The following NCEH1 variants were observed in gnomAD, a reference collection of about 807,000 sequenced individuals.
The protein encoded by NCEH1 is neutral cholesterol ester hydrolase 1.
Under a neutral mutation model 25.4 loss-of-function variants are expected in NCEH1, and 9 were observed. The ratio of observed to expected loss-of-function variants is 0.35; its 90% CI spans 0.21 to 0.62. NCEH1 has a LOEUF of 0.62. Among genes scored for constraint, NCEH1 ranks in the 20% least tolerant of loss-of-function variants. NCEH1 has a pLI of 0.72. For synonymous variants in NCEH1, 200 were observed against 199.8 expected (o/e 1.00, Z -0.01); for missense variants, 412 against 501.1 (o/e 0.82, Z 1.70).
intron 1 of NCEH1, among the ~76,000 whole-genome samples, chr3:172,680,392 C>CT (rs1416091218): frequency 6.6e-6 from 1 of 152,140 alleles, no homozygotes; most frequent in Non-Finnish European, 1.5e-5. Flanking sequence ...TCTGTGAAGC[C>CT]CCCCTCCCCC....
At chr3:172,643,931 T>A (rs1250746100) in intron 3 of NCEH1, among the ~76,000 whole-genome samples, 2 of 152,214 alleles carry the variant, frequency 1.3e-5, no homozygotes, top group Non-Finnish European at 2.9e-5. Context: ...TCAGGCCAAC[T>A]GCCCAAATCA....
At chr3:172,645,524 T>G in intron 3 of NCEH1, 99 bp downstream of exon 3, 1 of 719,138 alleles carries the variant, frequency 1.4e-6, no homozygotes, top group Non-Finnish European at 2.3e-6. Context: ...ACTTGAGACC[T>G]TTATTTTTTA....
At chr3:172,707,983 G>T (rs1576788926) in intron 1 of NCEH1, among the ~76,000 whole-genome samples, 1 of 152,162 alleles carries the variant, frequency 6.6e-6, no homozygotes, top group African/African-American at 2.4e-5. Flanking sequence ...TTTTGTTTTG[G>T]TTTGGTTTGT....
At chr3:172,669,085 A>G (rs1436873804) in intron 1 of NCEH1, among the ~76,000 whole-genome samples, 1 of 152,148 alleles carries the variant, frequency 6.6e-6, no homozygotes, top group Non-Finnish European at 1.5e-5. Flanking sequence ...TTCGGCCTTC[A>G]TCAGCAACCA....
At chr3:172,673,123 T>C (rs1456501360) in intron 1 of NCEH1, among the ~76,000 whole-genome samples, 1 of 152,214 alleles carries the variant, frequency 6.6e-6, no homozygotes, top group East Asian at 1.9e-4. Context: ...GCCTCCTCTC[T>C]TCCTATAGCG....
rs779503476 is a variant in NCEH1, at chr3:172,710,832, T to G, written c.138+15A>C. ...AAGAGGAGGAAGAGAGAAGCAGCGC[T>G]GGGCTGCACCTCACCACTTGCTGTG... On this transcript the variant is annotated intron_variant, in intron 1 of 4. Transcript: ENST00000475381. 2 of 1,613,488 alleles carry G rather than the reference T, an allele frequency of 1.2e-6. No homozygotes were observed. Among genetic ancestry groups the G allele is most frequent in the African/African-American group, 1.3e-5 (1 of 75,052 alleles).
chr3:172,694,831 A>G (rs1713271012), intron 1 of NCEH1, among the ~76,000 whole-genome samples: 1 of 152,168 alleles, frequency 6.6e-6, no homozygotes, highest in African/African-American at 2.4e-5. Flanking sequence ...TGGCAGCTCT[A>G]ACACTATTCT....
At chr3:172,684,390 A>T (rs986649023) in intron 1 of NCEH1, among the ~76,000 whole-genome samples, 7 of 152,354 alleles carry the variant, frequency 4.6e-5, no homozygotes, top group African/African-American at 1.7e-4. Context: ...GCAAATACCC[A>T]AGAAGAAAAC....
At chr3:172,651,903 C>T (rs564633772) in intron 1 of NCEH1, among the ~76,000 whole-genome samples, 15 of 152,004 alleles carry the variant, frequency 9.9e-5, no homozygotes, top group Admixed American at 3.9e-4. Flanking sequence ...GATTACATGA[C>T]GAATAAGAAG....
At chr3:172,680,681 A>AT in intron 1 of NCEH1, 1 of 149,846 alleles carries the variant, frequency 6.7e-6, no homozygotes, top group African/African-American at 2.5e-5. Context: ...CCCCCCCTCC[A>AT]TCAGCCACTC....
chr3:172,692,255 ACAG>A (rs1713103580), intron 1 of NCEH1, among the ~76,000 whole-genome samples: 1 of 152,194 alleles, frequency 6.6e-6, no homozygotes. Flanking sequence ...CTAAAACCAA[ACAG>A]AAGAAAAACC....
intron 1 of NCEH1, among the ~76,000 whole-genome samples, chr3:172,692,968 G>A (rs957614710): frequency 6.6e-6 from 1 of 152,156 alleles, no homozygotes; most frequent in Non-Finnish European, 1.5e-5. Context: ...TTGAAAGAGT[G>A]CTACTTCTCA....
chr3:172,663,716 T>C (rs1487103135), intron 1 of NCEH1, among the ~76,000 whole-genome samples: 1 of 152,204 alleles, frequency 6.6e-6, no homozygotes, highest in Non-Finnish European at 1.5e-5. Flanking sequence ...CATTATGTAA[T>C]GGCCTTCTTT....
At chr3:172,648,156 A>C in intron 1 of NCEH1, 42 bp from the exon 2 acceptor site, 3 of 1,610,666 alleles carry the variant, frequency 1.9e-6, no homozygotes, top group Non-Finnish European at 2.5e-6. Flanking sequence ...GGCGCACGTC[A>C]ACTTGGCATC....
At chr3:172,654,190 G>A (rs1283197681) in intron 1 of NCEH1, among the ~76,000 whole-genome samples, 1 of 152,206 alleles carries the variant, frequency 6.6e-6, no homozygotes, top group African/African-American at 2.4e-5. Flanking sequence ...ATATAATCCA[G>A]AGCCAGAGCA....
intron 1 of NCEH1, among the ~76,000 whole-genome samples, chr3:172,689,916 T>A (rs1042759783): frequency 2.0e-5 from 3 of 150,298 alleles, no homozygotes; most frequent in African/African-American, 7.3e-5. Flanking sequence ...TTTATTTTTT[T>A]TTTTTGAGAC....
chr3:172,676,545 C>T (rs1577077119), intron 1 of NCEH1, among the ~76,000 whole-genome samples: 1 of 151,098 alleles, frequency 6.6e-6, no homozygotes, highest in East Asian at 1.9e-4. Flanking sequence ...ACACCACCTC[C>T]TCCAGCATCC....
chr3:172,706,010 C>CAAAAAAAAAAAAAAAAAAAA (rs35383888), intron 1 of NCEH1, among the ~76,000 whole-genome samples: 1 of 103,970 alleles, frequency 9.6e-6, no homozygotes, highest in African/African-American at 3.8e-5. Flanking sequence ...CAACAACAAC[C>CAAAAAAAAAAAAAAAAAAAA]AAAAAAAAAA....
intron 1 of NCEH1, among the ~76,000 whole-genome samples, chr3:172,698,458 A>G (rs901222742): frequency 2.6e-5 from 4 of 152,246 alleles, no homozygotes; most frequent in East Asian, 1.9e-4. Flanking sequence ...TGAGATACAC[A>G]TCTTCCACTT....
Sources: allele counts gnomAD v4.1 joint callset (sites outside exome capture counted in the v4.1 genomes callset), GRCh38; gene constraint gnomAD v4.1.1; transcripts MANE v1.5; gene names NCBI Gene and HGNC (gene_info 2026-07-23, HGNC 2026-07-21).